PKP4: variants seen among roughly 807,000 people sequenced by gnomAD.
PKP4 encodes the protein plakophilin 4.
A neutral mutation model predicts 145.1 loss-of-function variants in PKP4; 90 were observed. The ratio of observed to expected loss-of-function variants is 0.62; its 90% CI spans 0.52 to 0.74. The LOEUF (loss-of-function observed/expected upper bound fraction) is 0.74. Ranked by LOEUF, PKP4 falls within the 30% of genes least tolerant of loss-of-function variation. PKP4 has a pLI of 0.00. For synonymous variants in PKP4, 563 were observed against 577.2 expected (o/e 0.98, Z 0.35); for missense variants, 1,340 against 1,482.7 (o/e 0.90, Z 1.58).
intron 3 of PKP4, among the ~76,000 whole-genome samples, chr2:158,583,093 C>T (rs1018386841): frequency 6.6e-6 from 1 of 152,206 alleles, no homozygotes; most frequent in African/African-American, 2.4e-5. Context: ...ATAGAATCTT[C>T]AGAGGGAAAT....
Position 158,631,864 on chromosome 2 carries a change from G to A in PKP4, c.1265G>A (p.Ser422Asn). ...TPIYEGRTYYSPVYRSPNHGT... is the reference protein window; with the variant it reads ...TPIYEGRTYYNPVYRSPNHGT... ...ATATATGAGGGGAGGACCTATTACA[G>A]CCCAGTGTACCGCAGCCCAAACCAT... The change falls in exon 8 of 22, where the codon AGC becomes AAC. Residue 422 changes from serine to asparagine, a missense_variant. Physicochemically the swap from Ser to Asn is conservative, Grantham distance 46 (BLOSUM62 1). Transcript: ENST00000389759. 1 of 1,614,138 alleles carries A rather than the reference G, an allele frequency of 6.2e-7. No homozygotes were observed. The highest frequency in any genetic ancestry group is 8.5e-7 in the Non-Finnish European group (1 of 1,179,998).
At chr2:158,488,897 G>C (rs1350414593) in intron 1 of PKP4, among the ~76,000 whole-genome samples, 1 of 152,168 alleles carries the variant, frequency 6.6e-6, no homozygotes, top group Non-Finnish European at 1.5e-5. Flanking sequence ...GGAGTGGCTG[G>C]AATCAGATAG....
chr2:158,654,310 C>A (rs532038057), intron 11 of PKP4, among the ~76,000 whole-genome samples: 3 of 152,210 alleles, frequency 2.0e-5, no homozygotes, highest in Admixed American at 1.3e-4. Flanking sequence ...AAAATAGAAC[C>A]TTTCCTTTTT....
intron 13 of PKP4, chr2:158,662,547 C>A (rs2056696250): frequency 5.9e-6 from 1 of 170,812 alleles, no homozygotes; most frequent in Non-Finnish European, 1.2e-5. Context: ...GTTGGGGCAT[C>A]TGTTGTCACG....
chr2:158,592,267 T>A (rs2049334223), intron 3 of PKP4, among the ~76,000 whole-genome samples: 1 of 152,040 alleles, frequency 6.6e-6, no homozygotes, highest in African/African-American at 2.4e-5. Context: ...TCAGAGGGAT[T>A]TAAAACATTC....
intron 2 of PKP4, among the ~76,000 whole-genome samples, chr2:158,561,268 T>G (rs1249241881): frequency 6.6e-6 from 1 of 152,230 alleles, no homozygotes; most frequent in African/African-American, 2.4e-5. Flanking sequence ...AAATATTTAC[T>G]GTGTATCTGG....
intron 2 of PKP4, chr2:158,548,694 G>A (rs1022230090): frequency 1.2e-4 from 24 of 199,566 alleles, no homozygotes; most frequent in Non-Finnish European, 4.9e-5. Flanking sequence ...GCCGTGGACC[G>A]CCAAGCAGCT....
intron 2 of PKP4, among the ~76,000 whole-genome samples, chr2:158,556,819 T>C (rs1273886369): frequency 6.6e-6 from 1 of 152,220 alleles, no homozygotes; most frequent in Non-Finnish European, 1.5e-5. Context: ...GAGTCAGTTA[T>C]TAAATTGAAG....
At chr2:158,489,897 A>G (rs1207414930) in intron 1 of PKP4, among the ~76,000 whole-genome samples, 1 of 152,140 alleles carries the variant, frequency 6.6e-6, no homozygotes, top group Non-Finnish European at 1.5e-5. Context: ...CCCTAGTGCT[A>G]ATGAGCTTCA....
At position 158,497,186 on chromosome 2, in the gene PKP4, A is replaced by C. The variant is rs182286490; in HGVS notation, c.-5-35994A>C. On this transcript the variant is annotated intron_variant, in intron 1 of 21. Transcript: ENST00000389759. ...AGATCCACAGGGCCAGGTGTCAGGG[A>C]AGGGGAACAGAGCTTCCACCCTGCA... is the stretch of plus-strand genomic sequence containing the variant. 3.3e-3 allele frequency among the ~76,000 whole-genome samples: 496 copies of C among 152,254 alleles called. 3 individuals carry two copies. Among genetic ancestry groups the C allele is most frequent in the African/African-American group, 0.012 (479 of 41,532 alleles).
At chr2:158,645,647 C>T (rs2105940704) in intron 11 of PKP4, among the ~76,000 whole-genome samples, 1 of 152,320 alleles carries the variant, frequency 6.6e-6, no homozygotes, top group East Asian at 1.9e-4. Flanking sequence ...TCAAATTTAA[C>T]TAGCCAGATT....
chr2:158,477,656 C>T (rs1692694942), intron 1 of PKP4, among the ~76,000 whole-genome samples: 1 of 152,134 alleles, frequency 6.6e-6, no homozygotes, highest in Admixed American at 6.5e-5. Flanking sequence ...AGGCTGAAGT[C>T]CAATTTCCTG....
Position 158,534,651 on chromosome 2 carries a change from A to G in PKP4, c.132+1335A>G, listed in dbSNP as rs576884401. Among the ~76,000 whole-genome samples, 9 of 152,302 alleles carry G rather than the reference A, an allele frequency of 5.9e-5. No individual in the cohort carries two copies. The South Asian group carries it at 1.9e-3, about 32-fold the overall frequency. The stretch of plus-strand genomic sequence containing the variant: ...GGTGAAACGTGGTAAATTTATCAAA[A>G]TGTTTAGAAATGACTTAAAACTATT... On this transcript the variant is annotated intron_variant, in intron 2 of 21. Transcript: ENST00000389759.
chr2:158,594,384 A>C (rs540585971), intron 3 of PKP4, among the ~76,000 whole-genome samples: 1 of 152,318 alleles, frequency 6.6e-6, no homozygotes, highest in African/African-American at 2.4e-5. Context: ...GCTTAGTTCA[A>C]ACTATAGGCA....
At chr2:158,498,509 T>A (rs1316626475) in intron 1 of PKP4, among the ~76,000 whole-genome samples, 2 of 152,252 alleles carry the variant, frequency 1.3e-5, no homozygotes, top group Non-Finnish European at 1.5e-5. Flanking sequence ...AAAGGTTAAC[T>A]GTGTTGTGAA....
chr2:158,600,454 T>A (rs1476290954), intron 3 of PKP4, among the ~76,000 whole-genome samples: 1 of 152,166 alleles, frequency 6.6e-6, no homozygotes, highest in Non-Finnish European at 1.5e-5. Context: ...TGAGGAAGTG[T>A]TTCTAGGAAT....
intron 11 of PKP4, among the ~76,000 whole-genome samples, chr2:158,650,873 A>G (rs2055299291): frequency 6.6e-6 from 1 of 152,194 alleles, no homozygotes; most frequent in African/African-American, 2.4e-5. Context: ...GGCAGCAGGG[A>G]GTGCAGCAAC....
intron 11 of PKP4, among the ~76,000 whole-genome samples, chr2:158,653,225 A>G (rs2055567029): frequency 7.7e-6 from 1 of 129,688 alleles, no homozygotes; most frequent in South Asian, 2.9e-4. Flanking sequence ...CACCAGAGAA[A>G]TCGCATTTTC....
At chr2:158,487,914 A>G (rs532793511) in intron 1 of PKP4, among the ~76,000 whole-genome samples, 244 of 152,330 alleles carry the variant, frequency 1.6e-3, no homozygotes, top group Admixed American at 2.9e-3. Flanking sequence ...TACACCATGT[A>G]AAATAAGTTT....
Sources: allele counts gnomAD v4.1 joint callset (sites outside exome capture counted in the v4.1 genomes callset), GRCh38; gene constraint gnomAD v4.1.1; transcripts MANE v1.5; gene names NCBI Gene and HGNC (gene_info 2026-07-23, HGNC 2026-07-21).